The following PLPPR1 variants were observed in gnomAD, a reference collection of about 807,000 sequenced individuals.
The protein encoded by PLPPR1 is phospholipid phosphatase related 1.
Under a neutral mutation model 33.1 loss-of-function variants are expected in PLPPR1, and 10 were observed. The ratio of observed to expected loss-of-function variants is 0.30; its 90% CI spans 0.19 to 0.51. The LOEUF is 0.51. Among genes scored for constraint, PLPPR1 ranks in the 20% least tolerant of loss-of-function variants. The pLI, the probability that PLPPR1 is intolerant of heterozygous loss-of-function variation, is 0.97. For synonymous variants in PLPPR1, 151 were observed against 151.0 expected, an observed-to-expected ratio of 1.00 and a Z score of 0.00; for missense variants, 304 against 408.1, an observed-to-expected ratio of 0.74 and a Z score of 2.20.
At position 101,266,404 on chromosome 9, in the gene PLPPR1, AAAAGAAAG is replaced by A. The variant is rs1302413369; in HGVS notation, c.64-3460_64-3453del. Among the ~76,000 whole-genome samples, 549 of 149,978 alleles carry A rather than the reference AAAAGAAAG, an allele frequency of 3.7e-3. 11 individuals carry two copies. The highest frequency in any genetic ancestry group is 1.1e-3 in the Non-Finnish European group (73 of 67,690). On this transcript the variant is annotated intron_variant, in intron 2 of 7. Coordinates refer to ENST00000374874, the MANE Select transcript of PLPPR1 (RefSeq NM_207299.2). ...GAATGAGACCCTGTCTCCAAAAAAA[AAAAGAAAG>A]AAAGAAAGAAAGAAATAAAGAAAAA...
At chr9:101,290,333 C>A (rs1193912743) in intron 4 of PLPPR1, among the ~76,000 whole-genome samples, 1 of 152,136 alleles carries the variant, frequency 6.6e-6, no homozygotes, top group Non-Finnish European at 1.5e-5. Flanking sequence ...CATGAATTTT[C>A]TCTTGCAGTT....
At chr9:101,217,234 T>A (rs552272697) in intron 2 of PLPPR1, among the ~76,000 whole-genome samples, 79 of 152,154 alleles carry the variant, frequency 5.2e-4, no homozygotes, top group Non-Finnish European at 8.4e-4. Flanking sequence ...TTAAAAAAAA[T>A]CACTGCCCTG....
At chr9:101,135,926 A>C (rs1831372447) in intron 1 of PLPPR1, among the ~76,000 whole-genome samples, 1 of 152,192 alleles carries the variant, frequency 6.6e-6, no homozygotes, top group African/African-American at 2.4e-5. Flanking sequence ...CCCAAGGTTT[A>C]TTTTAGATGG....
At chr9:101,198,594 A>C (rs987714645) in intron 2 of PLPPR1, among the ~76,000 whole-genome samples, 4 of 152,326 alleles carry the variant, frequency 2.6e-5, no homozygotes, top group Admixed American at 1.3e-4. Flanking sequence ...GGAGCCTTCA[A>C]GATTAGGAGA....
intron 4 of PLPPR1, among the ~76,000 whole-genome samples, chr9:101,301,954 C>T (rs1410494082): frequency 1.3e-5 from 2 of 152,158 alleles, no homozygotes; most frequent in Non-Finnish European, 2.9e-5. Flanking sequence ...TGTGTGCTCC[C>T]AAGCATAAGC....
At chr9:101,317,549 GGTCA>G in intron 7 of PLPPR1, 53 bp downstream of exon 7, 1 of 1,554,602 alleles carries the variant, frequency 6.4e-7, no homozygotes, top group Non-Finnish European at 8.8e-7. Context: ...CACTTTGGGA[GGTCA>G]GTATCAATCC....
intron 2 of PLPPR1, among the ~76,000 whole-genome samples, chr9:101,211,456 G>C (rs1826689876): frequency 6.6e-6 from 1 of 152,176 alleles, no homozygotes; most frequent in Non-Finnish European, 1.5e-5. Context: ...AGACCACACA[G>C]TCCCATGGTG....
intron 1 of PLPPR1, among the ~76,000 whole-genome samples, chr9:101,140,628 T>C (rs1217916498): frequency 6.6e-6 from 1 of 152,164 alleles, no homozygotes; most frequent in Non-Finnish European, 1.5e-5. Flanking sequence ...AGCTATTTAA[T>C]GACACATAAT....
Position 101,317,511 on chromosome 9 carries a change from T to C in PLPPR1, c.945+15T>C, listed in dbSNP as rs1829080299. The C allele has an allele frequency of 6.2e-7, 1 of 1,609,412 alleles. No individual in the cohort carries two copies. The highest frequency in any genetic ancestry group is 1.1e-5 in the South Asian group (1 of 90,264). On this transcript the variant is annotated intron_variant, in intron 7 of 7. Transcript: ENST00000374874. ...TAAGTGCACAGGTATGGTAAAGCAGTTTTAGCAAACCAAACCCACAGGCTG... is the reference window on the plus strand; with the variant it reads ...TAAGTGCACAGGTATGGTAAAGCAGCTTTAGCAAACCAAACCCACAGGCTG...
At chr9:101,125,209 C>T (rs1361235414) in intron 1 of PLPPR1, among the ~76,000 whole-genome samples, 1 of 152,238 alleles carries the variant, frequency 6.6e-6, no homozygotes, top group Admixed American at 6.5e-5. Flanking sequence ...CTATCTGTCC[C>T]TGTGGTACCT....
intron 1 of PLPPR1, among the ~76,000 whole-genome samples, chr9:101,173,336 G>A (rs538976711): frequency 1.4e-4 from 21 of 152,090 alleles, no homozygotes; most frequent in African/African-American, 3.9e-4. Context: ...TTTTTCAGGC[G>A]TATTTTTACA....
intron 2 of PLPPR1, among the ~76,000 whole-genome samples, chr9:101,233,352 AAG>A (rs894399635): frequency 1.3e-5 from 2 of 151,958 alleles, no homozygotes; most frequent in African/African-American, 4.8e-5. Flanking sequence ...TGTTTACAAA[AAG>A]AGAAAGTTTG....
At chr9:101,157,159 A>G (rs571672661) in intron 1 of PLPPR1, among the ~76,000 whole-genome samples, 1 of 152,334 alleles carries the variant, frequency 6.6e-6, no homozygotes, top group East Asian at 1.9e-4. Context: ...GCCAGCTTAC[A>G]CTTTTTGGTC....
At chr9:101,240,324 T>C (rs2118845097) in intron 2 of PLPPR1, among the ~76,000 whole-genome samples, 1 of 152,030 alleles carries the variant, frequency 6.6e-6, no homozygotes, top group East Asian at 1.9e-4. Flanking sequence ...TGAAGTCAGG[T>C]AGTGTGATGT....
intron 2 of PLPPR1, among the ~76,000 whole-genome samples, chr9:101,243,268 AGG>A (rs1354467483): frequency 1.3e-5 from 2 of 152,042 alleles, no homozygotes; most frequent in African/African-American, 4.8e-5. Flanking sequence ...CTCTAGAAAA[AGG>A]ACATCAATTA....
At chr9:101,172,853 AC>A (rs1023752805) in intron 1 of PLPPR1, among the ~76,000 whole-genome samples, 2 of 151,942 alleles carry the variant, frequency 1.3e-5, no homozygotes, top group Admixed American at 6.6e-5. Flanking sequence ...CATGGGGCTC[AC>A]CTCTGCTTGT....
At chr9:101,089,333 T>C (rs1315923649) in intron 1 of PLPPR1, among the ~76,000 whole-genome samples, 1 of 147,456 alleles carries the variant, frequency 6.8e-6, no homozygotes, top group Admixed American at 6.8e-5. Flanking sequence ...AGATAGATAG[T>C]AGTTAATTGT....
chr9:101,241,046 C>T (rs1827454769), intron 2 of PLPPR1, among the ~76,000 whole-genome samples: 1 of 152,014 alleles, frequency 6.6e-6, no homozygotes. Flanking sequence ...TGTTTTGCTA[C>T]CATGTCTTCA....
chr9:101,147,501 C>A (rs1176169488), intron 1 of PLPPR1, among the ~76,000 whole-genome samples: 3 of 151,718 alleles, frequency 2.0e-5, no homozygotes, highest in Non-Finnish European at 4.4e-5. Context: ...AGCATAGAGA[C>A]CGATGAATTA....
Sources: gnomAD v4.1 joint callset for allele counts (sites outside exome capture counted in the v4.1 genomes callset) on GRCh38, gnomAD v4.1.1 for gene constraint, MANE v1.5 for transcripts, NCBI Gene and HGNC (gene_info 2026-07-23, HGNC 2026-07-21) for gene names.